Variants in APLF observed in about 807,000 individuals in gnomAD.
APLF encodes aprataxin and PNK-like factor.
In APLF, 61 loss-of-function variants were observed where a neutral mutation model predicts 55.6. The observed-to-expected ratio is 1.10, with a 90% confidence interval of 0.89 to 1.36. APLF has a LOEUF of 1.36. Among genes scored for constraint, APLF ranks in the 40% most tolerant of loss-of-function variants. APLF has a pLI of 0.00. For missense variants in APLF, 611 were observed against 602.5 expected, an observed-to-expected ratio of 1.01 and a Z score of -0.15; for synonymous variants, 207 against 214.8, an observed-to-expected ratio of 0.96 and a Z score of 0.32.
At chr2:68,468,989 G>GGTGTGTGTGTGTGT (rs34695552) in intron 1 of APLF, among the ~76,000 whole-genome samples, 3 of 146,762 alleles carry the variant, frequency 2.0e-5, no homozygotes, top group South Asian at 2.2e-4. Context: ...GTCCTAAAGG[G>GGTGTGTGTGTGTGT]GTGTGTGTGT....
At chr2:68,535,444 AT>A (rs1670360215) in intron 6 of APLF, 1 of 217,168 alleles carries the variant, frequency 4.6e-6, no homozygotes, top group Non-Finnish European at 1.0e-5. Context: ...ACATAGATAT[AT>A]AAGGAATTTT....
chr2:68,534,711 C>G (rs142837413), intron 6 of APLF, among the ~76,000 whole-genome samples: 164 of 152,212 alleles, frequency 1.1e-3, no homozygotes, highest in Non-Finnish European at 1.9e-3. Context: ...TTAGTCCTGC[C>G]CATTTTCATC....
intron 2 of APLF, among the ~76,000 whole-genome samples, chr2:68,492,449 G>C (rs1243542954): frequency 1.3e-5 from 2 of 152,190 alleles, no homozygotes; most frequent in African/African-American, 4.8e-5. Context: ...CTGCACTCCA[G>C]CCTGGGCGAC....
In APLF at chr2:68,482,056, A is replaced by T. The variant is rs113375802; in HGVS notation, c.97-8134A>T. Among the ~76,000 whole-genome samples the T allele has an allele frequency of 3.0e-3, 443 of 150,054 alleles. 1 individual carries two copies. Among genetic ancestry groups the T allele is most frequent in the Non-Finnish European group, 5.4e-3 (363 of 67,570 alleles). ...TCTTCTATCCTGTTGACTTTCTTAA[A>T]GTTATTTTGAATTCTTTTTCTGGCA... On this transcript the variant is annotated intron_variant, in intron 1 of 9. Coordinates refer to ENST00000303795, the MANE Select transcript of APLF (RefSeq NM_173545.3).
intron 5 of APLF, among the ~76,000 whole-genome samples, chr2:68,525,451 C>T (rs917972827): frequency 6.6e-6 from 1 of 152,140 alleles, no homozygotes; most frequent in African/African-American, 2.4e-5. Flanking sequence ...GTATCAGGTA[C>T]TCTGCTAGAT....
intron 5 of APLF, among the ~76,000 whole-genome samples, chr2:68,521,182 G>A (rs1051112527): frequency 6.6e-6 from 1 of 151,822 alleles, no homozygotes; most frequent in Non-Finnish European, 1.5e-5. Context: ...GTGTACTCTG[G>A]TTTTGTGTCC....
chr2:68,502,769 G>A lies in APLF; in HGVS notation c.207G>A (p.Lys69=). 1 of 1,582,460 alleles carries A rather than the reference G, an allele frequency of 6.3e-7. No individual in the cohort carries two copies. The highest frequency in any genetic ancestry group is 1.2e-5 in the South Asian group (1 of 83,840). The change falls in exon 3 of 10, where the codon AAG becomes AAA. Residue 69 remains lysine (K), a synonymous_variant. Coordinates refer to ENST00000303795, the MANE Select transcript of APLF (RefSeq NM_173545.3). ...CATGTTTTTACCAGTCTTCAGAGAA[G>A]AGTCAGCTCTTACCATTGAAGCCAA... ...TNPCFYQSSE[K]SQLLPLKPNL... is the part of the protein sequence containing the mutation.
intron 5 of APLF, among the ~76,000 whole-genome samples, chr2:68,518,778 TTATA>T (rs1159676076): frequency 2.6e-4 from 25 of 97,760 alleles, no homozygotes; most frequent in South Asian, 3.1e-4. Flanking sequence ...TAATATATCA[TTATA>T]TAATAAAATA....
chr2:68,565,182 T>G (rs745917692), intron 8 of APLF, among the ~76,000 whole-genome samples: 47 of 151,710 alleles, frequency 3.1e-4, no homozygotes, highest in Non-Finnish European at 5.6e-4. Context: ...GGAAAATAGA[T>G]TTCATGATTA....
chr2:68,514,410 T>C (rs1335145969), intron 5 of APLF, among the ~76,000 whole-genome samples: 2 of 151,796 alleles, frequency 1.3e-5, no homozygotes, highest in Non-Finnish European at 1.5e-5. Context: ...CTTGATTTTG[T>C]TATGTTCCTC....
chr2:68,482,405 G>A (rs1213335862), intron 1 of APLF, among the ~76,000 whole-genome samples: 2 of 152,166 alleles, frequency 1.3e-5, no homozygotes, highest in South Asian at 2.1e-4. Flanking sequence ...GGCTGTGGAA[G>A]TGTGTGGTGG....
Position 68,526,084 on chromosome 2 carries a change from AAAG to A in APLF, c.652_654del (p.Glu218del), listed in dbSNP as rs1234337780. On this transcript the variant is annotated inframe_deletion, in exon 6 of 10. Transcript: ENST00000303795. ...AGGTAATGTAATCCAGGGAAGTGGA[AAAG>A]AAGAAATCTGCAAAGATAAATCCCA... 5.0e-6 allele frequency: 8 copies of A among 1,613,058 alleles called. No individual in the cohort carries two copies. The highest frequency in any genetic ancestry group is 1.7e-6 in the Non-Finnish European group (2 of 1,179,760).
chr2:68,525,931 G>A (rs761675625), intron 5 of APLF, 130 bp from the exon 6 acceptor site: 76 of 829,376 alleles, frequency 9.2e-5, no homozygotes, highest in Non-Finnish European at 1.4e-4. Context: ...TGTATTTTCA[G>A]TAGAGACCGG....
intron 9 of APLF, among the ~76,000 whole-genome samples, chr2:68,572,394 T>A (rs1671494863): frequency 6.6e-6 from 1 of 152,186 alleles, no homozygotes; most frequent in South Asian, 2.1e-4. Flanking sequence ...AAATATTTAT[T>A]TACTTAATAA....
intron 1 of APLF, among the ~76,000 whole-genome samples, chr2:68,472,460 G>C (rs768510007): frequency 6.6e-5 from 10 of 152,128 alleles, no homozygotes; most frequent in African/African-American, 9.7e-5. Flanking sequence ...GAGAATTTAT[G>C]GTTTGTAGGG....
At chr2:68,575,406 C>A (rs1037156233) in intron 9 of APLF, among the ~76,000 whole-genome samples, 1 of 152,022 alleles carries the variant, frequency 6.6e-6, no homozygotes, top group African/African-American at 2.4e-5. Flanking sequence ...GTAGAGTCTT[C>A]AAAGCTGAGA....
chr2:68,570,805 A>G (rs1196561802), intron 9 of APLF, among the ~76,000 whole-genome samples: 3 of 152,208 alleles, frequency 2.0e-5, no homozygotes. Flanking sequence ...CTTTGGGTAT[A>G]TACCCAGTAA....
At chr2:68,530,355 G>A (rs1474776607) in intron 6 of APLF, among the ~76,000 whole-genome samples, 3 of 140,280 alleles carry the variant, frequency 2.1e-5, no homozygotes, top group Non-Finnish European at 4.6e-5. Context: ...CATGCTCTGG[G>A]CTCCAGTCCT....
At position 68,526,197 on chromosome 2, in the gene APLF, A is replaced by G. The variant is rs898257933; in HGVS notation, c.759A>G (p.Glu253=). 1.9e-6 allele frequency: 3 copies of G among 1,613,380 alleles called. No homozygotes were observed. The African/African-American group carries it at 4.0e-5, about 22-fold the overall frequency. The part of the protein sequence containing the change: ...ENTSAEQDTG[E]ECKNTDQEES... ...CATCAGCAGAACAAGACACAGGAGA[A>G]GAGTGCAAAAATACTGATCAGGAAG... Residue 253 remains glutamate, a synonymous_variant, in exon 6 of 10, where the codon GAA becomes GAG. Coordinates refer to ENST00000303795, the MANE Select transcript of APLF (RefSeq NM_173545.3).
Sources: gnomAD v4.1 joint callset for allele counts (sites outside exome capture counted in the v4.1 genomes callset) on GRCh38, gnomAD v4.1.1 for gene constraint, MANE v1.5 for transcripts, NCBI Gene and HGNC (gene_info 2026-07-23, HGNC 2026-07-21) for gene names.